Variants in MAPK11 observed in about 807,000 individuals in gnomAD.
MAPK11 encodes the protein MAP kinase 11.
A neutral mutation model predicts 52.2 loss-of-function variants in MAPK11; 44 were observed. The observed-to-expected ratio is 0.84, with a 90% CI of 0.66 to 1.08. MAPK11 has a LOEUF of 1.08. Ranked by LOEUF, MAPK11 falls within the 50% of genes least tolerant of loss-of-function variation. The probability of loss-of-function intolerance (pLI) is 0.00; values close to 1 mark genes in which losing one functional copy is unlikely to be tolerated. For missense variants in MAPK11, 436 were observed against 494.7 expected (o/e 0.88, Z 1.13); for synonymous variants, 233 against 206.3 (o/e 1.13, Z -1.11).
Position 50,266,629 on chromosome 22 carries a change from GA to G in MAPK11, c.611-19del. 2 of 1,570,696 alleles carry G rather than the reference GA, an allele frequency of 1.3e-6. No homozygotes were observed. On this transcript the variant is annotated intron_variant, in intron 7 of 11. Coordinates refer to ENST00000330651, the MANE Select transcript of MAPK11 (RefSeq NM_002751.7). ...GATATCCACTGTGCGAGGGCGAGGG[GA>G]CCTCCATCAGTGTGCCCACCCCACG...
intron 1 of MAPK11, among the ~76,000 whole-genome samples, chr22:50,268,988 C>T (rs1360627403): frequency 6.6e-6 from 1 of 152,126 alleles, no homozygotes; most frequent in African/African-American, 2.4e-5. Context: ...GGAATTGGCA[C>T]CTGGCCCGCA....
In MAPK11 at chr22:50,266,263, G is replaced by C. The variant is rs537246174; in HGVS notation, c.725C>G (p.Pro242Arg). 1 of 1,606,700 alleles carries C rather than the reference G, an allele frequency of 6.2e-7. No homozygotes were observed. The highest frequency in any genetic ancestry group is 1.3e-5 in the African/African-American group (1 of 74,924). ...GATTTTTGCCAGAACCTCAGGGCTG[G>C]GTGTGCCCACCACTTCCATGATGCG... is the stretch of plus-strand genomic sequence containing the variant. ...LKRIMEVVGT[P>R]SPEVLAKISS... Residue 242 changes from proline to arginine, a missense_variant, in exon 9 of 12, where the codon CCC (proline) becomes CGC (arginine). Physicochemically the swap from Pro to Arg is moderately radical, Grantham distance 103 (BLOSUM62 -2). Transcript: ENST00000330651.
rs201055269 is a variant in MAPK11 at position 50,267,185 on chromosome 22, C to A, written c.448-11G>T. ...GCTGGGCTTCAGGTCCTGCAGGTCA[C>A]GCGGAGCGTGAGCACAGGAGGCTGG... On this transcript the variant is annotated splice_polypyrimidine_tract_variant and intron_variant, in intron 5 of 11. Transcript: ENST00000330651. The A allele has an allele frequency of 1.1e-5, 18 of 1,611,076 alleles. 1 individual carries two copies. The highest frequency in any genetic ancestry group is 1.5e-5 in the Non-Finnish European group (18 of 1,179,352).
chr22:50,269,038 AG>A (rs1302400386), intron 1 of MAPK11, among the ~76,000 whole-genome samples: 1 of 152,080 alleles, frequency 6.6e-6, no homozygotes, highest in African/African-American at 2.4e-5. Flanking sequence ...CAGGGGTGCA[AG>A]GGGGGAGACC....
intron 11 of MAPK11, 105 bp downstream of exon 11, chr22:50,265,216 C>T: frequency 6.8e-7 from 1 of 1,481,084 alleles, no homozygotes; most frequent in Non-Finnish European, 9.2e-7. Context: ...ACCTGAACGC[C>T]CTTCCACACC....
chr22:50,265,428 A>C lies in MAPK11; in HGVS notation c.908T>G (p.Leu303Arg). Residue 303 changes from leucine to arginine, a missense_variant, in exon 11 of 12, where the codon CTG becomes CGG. Transcript: ENST00000330651. Reference protein sequence around the residue: ...SDQRVSAAEALAHAYFSQYHD... With the variant: ...SDQRVSAAEARAHAYFSQYHD... ...GTACTGGCTGAAGTAGGCGTGGGCC[A>C]GTGCCTCAGCTGCACTGACCCTCTG... The C allele has an allele frequency of 6.2e-7, 1 of 1,613,148 alleles. No individual in the cohort carries two copies. Among genetic ancestry groups the C allele is most frequent in the Non-Finnish European group, 8.5e-7 (1 of 1,180,004 alleles).
intron 1 of MAPK11, among the ~76,000 whole-genome samples, chr22:50,268,262 A>G (rs742186): frequency 0.49 from 74,576 of 152,008 alleles, 19,313 homozygotes; most frequent in Non-Finnish European, 0.57. Context: ...GCTGGGGGAG[A>G]GGTGCCCCAT....
In MAPK11 at chr22:50,264,820, A is replaced by C; in HGVS notation, c.*128T>G. ...ATGCGTGTAGATTCTCCTGAAGGCG[A>C]GGGGTCCTAGGCCAGAAGTCTGTGA... On this transcript the variant is annotated 3_prime_UTR_variant, in exon 12 of 12. Coordinates refer to ENST00000330651, the MANE Select transcript of MAPK11 (RefSeq NM_002751.7). The C allele has an allele frequency of 1.7e-6, 1 of 587,758 alleles. No homozygotes were observed. The highest frequency in any genetic ancestry group is 2.5e-5 in the South Asian group (1 of 39,294). 36.4% of individuals were successfully genotyped at this position (587,758 alleles called of 1,614,324 possible). A position where few individuals can be genotyped will look rare whatever the true frequency, so the allele number is the denominator to read the frequency against.
rs990627285 is a variant in MAPK11, at chr22:50,270,115, A to AG, written c.116+61dup. On this transcript the variant is annotated intron_variant, in intron 1 of 11. Coordinates refer to ENST00000330651, the MANE Select transcript of MAPK11 (RefSeq NM_002751.7). This position sits in a 1 kb window ranked among gnomAD's most constrained non-coding sequence, Gnocchi z 6.3. ...CGCCGAGAACCTCGCGCGGGCGAGG[A>AG]GGGGACGCGCTCTCCGGCCCGGCCC... 339 of 851,484 alleles carry AG rather than the reference A, an allele frequency of 4.0e-4. 2 individuals carry two copies. Among genetic ancestry groups the AG allele is most frequent in the South Asian group, 1.5e-3 (59 of 39,190 alleles). The allele number at this position is 851,484 out of a possible 1,614,324, so 52.7% of individuals were successfully genotyped here.
At position 50,266,218 on chromosome 22, in the gene MAPK11, C is replaced by G; in HGVS notation, c.762+8G>C. 6.3e-7 allele frequency: 1 copy of G among 1,578,114 alleles called. No homozygotes were observed. The highest frequency in any genetic ancestry group is 1.2e-5 in the South Asian group (1 of 86,712). ...GAGGGAGCTGCTGGCTGGCGGGCACCAACTCACGTGTTCTGAGGAGATTTT... is the reference window on the plus strand; with the variant it reads ...GAGGGAGCTGCTGGCTGGCGGGCACGAACTCACGTGTTCTGAGGAGATTTT... On this transcript the variant is annotated splice_region_variant and intron_variant, in intron 9 of 11. Transcript: ENST00000330651.
chr22:50,268,549 C>G (rs1353604368), intron 1 of MAPK11, among the ~76,000 whole-genome samples: 2 of 152,208 alleles, frequency 1.3e-5, no homozygotes, highest in African/African-American at 2.4e-5. Context: ...AGCCCTTCGC[C>G]CAGCCCCACT....
chr22:50,268,285 AAC>A (rs1391822062), intron 1 of MAPK11, among the ~76,000 whole-genome samples: 1 of 152,168 alleles, frequency 6.6e-6, no homozygotes, highest in Admixed American at 6.5e-5. Context: ...AGCGTGGAAA[AAC>A]ACAGCAGGAA....
chr22:50,265,438 C>T lies in MAPK11; in HGVS notation c.898G>A (p.Ala300Thr). ...VLDSDQRVSA[A>T]EALAHAYFSQ... ...AAGTAGGCGTGGGCCAGTGCCTCAG[C>T]TGCACTGACCCTCTGGTCACTGTCC... The change falls in exon 11 of 12, where the codon GCT (alanine) becomes ACT (threonine). Residue 300 changes from alanine (A) to threonine (T), a missense_variant. Physicochemically the swap from Ala to Thr is moderately conservative, Grantham distance 58. Coordinates refer to ENST00000330651, the MANE Select transcript of MAPK11 (RefSeq NM_002751.7). 6.2e-7 allele frequency: 1 copy of T among 1,613,152 alleles called. No individual in the cohort carries two copies. Among genetic ancestry groups the T allele is most frequent in the East Asian group, 2.2e-5 (1 of 44,892 alleles).
chr22:50,267,702 A>G, intron 2 of MAPK11, 75 bp from the exon 3 acceptor site: 2 of 1,387,776 alleles, frequency 1.4e-6, no homozygotes, highest in Non-Finnish European at 1.9e-6. Context: ...CCACGCCCCC[A>G]GTGCCAGGCC....
At chr22:50,266,340 C>G in intron 8 of MAPK11, 35 bp from the exon 9 acceptor site, 9 of 1,578,004 alleles carry the variant, frequency 5.7e-6, no homozygotes, top group Non-Finnish European at 6.9e-6. Context: ...GGGCCAGCCA[C>G]AGACCCCTCC....
intron 7 of MAPK11, 150 bp from the exon 8 acceptor site, chr22:50,266,761 A>T: frequency 1.0e-6 from 1 of 954,202 alleles, no homozygotes; most frequent in Non-Finnish European, 1.6e-6. Context: ...ATAGCTGCAC[A>T]GCCAGAGGAG....
At chr22:50,267,654 G>A (rs962565808) in intron 2 of MAPK11, 27 bp from the exon 3 acceptor site, 20 of 1,519,612 alleles carry the variant, frequency 1.3e-5, no homozygotes, top group Non-Finnish European at 1.8e-5. Flanking sequence ...GTCAGGGCCG[G>A]GCGACGAACC....
At chr22:50,267,516 C>T (rs1182019463) in intron 3 of MAPK11, 34 bp from the exon 4 acceptor site, 2 of 1,565,336 alleles carry the variant, frequency 1.3e-6, no homozygotes, top group Non-Finnish European at 1.7e-6. Context: ...GACAGGGCCC[C>T]ACCGCCCCAC....
chr22:50,270,246 G>C lies in MAPK11; in HGVS notation c.47C>G (p.Thr16Ser). The change falls in exon 1 of 12, where the codon ACC becomes AGC. Residue 16 changes from threonine to serine, a missense_variant. Coordinates refer to ENST00000330651, the MANE Select transcript of MAPK11 (RefSeq NM_002751.7). This position sits in a 1 kb window ranked among gnomAD's most constrained non-coding sequence, Gnocchi z 6.3. ...CAGCCGCTGCGGCACCTCCCACACG[G>C]TCTTGTTCAGCTCCTGCCGGTAGAA... ...AGFYRQELNK[T>S]VWEVPQRLQG... 1 of 1,489,934 alleles carries C rather than the reference G, an allele frequency of 6.7e-7. No individual in the cohort carries two copies. The highest frequency in any genetic ancestry group is 8.9e-7 in the Non-Finnish European group (1 of 1,123,290). The allele number at this position is 1,489,934 out of a possible 1,614,324, so 92.3% of individuals were successfully genotyped here.
Sources: gnomAD v4.1 joint callset for allele counts (sites outside exome capture counted in the v4.1 genomes callset) on GRCh38, gnomAD v4.1.1 for gene constraint, Gnocchi (gnomAD v3.1) non-coding constraint, MANE v1.5 for transcripts, NCBI Gene and HGNC (gene_info 2026-07-23, HGNC 2026-07-21) for gene names.